The following FGF5 variants were observed in gnomAD, a reference collection of about 807,000 sequenced individuals.
The protein encoded by FGF5 is heparin-binding growth factor 5.
A neutral mutation model predicts 21.8 loss-of-function variants in FGF5; 23 were observed. The observed-to-expected ratio is 1.05, with a 90% CI of 0.76 to 1.49. FGF5 has a LOEUF of 1.49. FGF5 is among the 40% of genes most tolerant of loss of function. The pLI is 0.00. For missense variants in FGF5, 352 were observed against 332.9 expected (o/e 1.06, Z -0.45); for synonymous variants, 158 against 124.0 (o/e 1.27, Z -1.82).
At chr4:80,272,691 T>C (rs1007558330) in intron 1 of FGF5, among the ~76,000 whole-genome samples, 13 of 152,128 alleles carry the variant, frequency 8.5e-5, no homozygotes, top group African/African-American at 3.1e-4. Context: ...TTCCAGGGAA[T>C]GGAATTAAAA....
At chr4:80,284,714 G>A (rs7681907) in intron 2 of FGF5, among the ~76,000 whole-genome samples, 78,522 of 152,038 alleles carry the variant, frequency 0.52, 21,519 homozygotes, top group East Asian at 0.77. Context: ...GCACTGCTCA[G>A]AAACTCCATG....
At chr4:80,278,004 A>G (rs1351629426) in intron 2 of FGF5, among the ~76,000 whole-genome samples, 2 of 152,222 alleles carry the variant, frequency 1.3e-5, no homozygotes, top group East Asian at 3.9e-4. Flanking sequence ...CATAGATGTT[A>G]AATTATTTTC....
Position 80,286,799 on chromosome 4 carries a change from A to C in FGF5, c.*127A>C. On this transcript the variant is annotated 3_prime_UTR_variant, in exon 3 of 3. Coordinates refer to ENST00000312465, the MANE Select transcript of FGF5 (RefSeq NM_004464.4). ...ACTTACACTGTATTGAAGTCACGTC[A>C]TTTGTTTCAATGTGACTGAAACAAA... 1.4e-6 allele frequency: 1 copy of C among 693,950 alleles called. No individual in the cohort carries two copies. Among genetic ancestry groups the C allele is most frequent in the South Asian group, 2.0e-5 (1 of 50,230 alleles). The allele number at this position is 693,950 out of a possible 1,614,324, so 43.0% of individuals were successfully genotyped here. A position where few individuals can be genotyped will look rare whatever the true frequency, so the allele number is the denominator to read the frequency against.
intron 2 of FGF5, among the ~76,000 whole-genome samples, chr4:80,278,188 T>C (rs575212675): frequency 1.4e-4 from 22 of 152,328 alleles, no homozygotes; most frequent in African/African-American, 5.3e-4. Flanking sequence ...GAAATTAATA[T>C]GTGCGTGAAA....
chr4:80,270,517 G>T (rs1411565778), intron 1 of FGF5, among the ~76,000 whole-genome samples: 2 of 152,012 alleles, frequency 1.3e-5, no homozygotes, highest in Non-Finnish European at 2.9e-5. Context: ...CCCAAGTTTT[G>T]AACACAGAAA....
At position 80,287,036 on chromosome 4, in the gene FGF5, T is replaced by C. The variant is rs1035595279; in HGVS notation, c.*364T>C. 2.4e-5 allele frequency: 4 copies of C among 168,432 alleles called. No individual in the cohort carries two copies. Among genetic ancestry groups the C allele is most frequent in the African/African-American group, 9.5e-5 (4 of 42,172 alleles). The allele number at this position is 168,432 out of a possible 1,614,324, so 10.4% of individuals were successfully genotyped here. On this transcript the variant is annotated 3_prime_UTR_variant, in exon 3 of 3. Coordinates refer to ENST00000312465, the MANE Select transcript of FGF5 (RefSeq NM_004464.4). ...TACATGATACATTTTTATTTTTGGT[T>C]TCCAAAGAATATTTTGATGCAGATA...
intron 2 of FGF5, among the ~76,000 whole-genome samples, chr4:80,275,345 A>G (rs1269649651): frequency 2.6e-5 from 4 of 151,752 alleles, no homozygotes; most frequent in African/African-American, 9.7e-5. Flanking sequence ...CACATTTTAA[A>G]CTTACAAGTT....
rs3839148 is a variant in FGF5, at chr4:80,267,733, GTAGA to G, written c.355+577_355+580del. Among the ~76,000 whole-genome samples, 704 of 151,062 alleles carry G rather than the reference GTAGA, an allele frequency of 4.7e-3. 1 individual carries two copies. The highest frequency in any genetic ancestry group is 6.8e-3 in the Middle Eastern group (2 of 292). On this transcript the variant is annotated intron_variant, in intron 1 of 2. Coordinates refer to ENST00000312465, the MANE Select transcript of FGF5 (RefSeq NM_004464.4). ...CTATGTATACAATGTATACACATAG[GTAGA>G]TAGATAGATAGATAGATAGATACAC...
intron 2 of FGF5, among the ~76,000 whole-genome samples, chr4:80,283,278 ACACT>A (rs1285681800): frequency 1.4e-5 from 2 of 139,630 alleles, no homozygotes; most frequent in African/African-American, 2.7e-5. Context: ...AGAACTCTAC[ACACT>A]TCTACCCTGG....
intron 1 of FGF5, among the ~76,000 whole-genome samples, chr4:80,273,781 G>A (rs1453096412): frequency 2.6e-5 from 4 of 151,960 alleles, no homozygotes; most frequent in Non-Finnish European, 4.4e-5. Context: ...CTGGTATCAG[G>A]CGATCCTTCA....
chr4:80,275,630 T>C (rs1171320464), intron 2 of FGF5, among the ~76,000 whole-genome samples: 2 of 152,048 alleles, frequency 1.3e-5, no homozygotes, highest in Non-Finnish European at 2.9e-5. Context: ...TCAGACCAGT[T>C]TTATATATTG....
In FGF5 at chr4:80,289,418, G is replaced by T. The variant is rs1720835837; in HGVS notation, c.*2746G>T. The T allele has an allele frequency of 6.6e-6, 1 of 152,036 alleles. No homozygotes were observed. Among genetic ancestry groups the T allele is most frequent in the Admixed American group, 6.6e-5 (1 of 15,264 alleles). 9.4% of individuals were successfully genotyped at this position (152,036 alleles called of 1,614,324 possible). A position where few individuals can be genotyped will look rare whatever the true frequency, so the allele number is the denominator to read the frequency against. On this transcript the variant is annotated 3_prime_UTR_variant, in exon 3 of 3. Transcript: ENST00000312465. ...CTTACAACTTTCTAAGAGGGTTCTTGCTTATGTAGCTTTTTATTATTTTAA... is the reference window on the plus strand; with the variant it reads ...CTTACAACTTTCTAAGAGGGTTCTTTCTTATGTAGCTTTTTATTATTTTAA...
In FGF5 at chr4:80,266,984, A is replaced by C. The variant is rs33950145; in HGVS notation, c.160A>C (p.Met54Leu). ...CAGCAGACAGAGCAGCAGTAGCGCT[A>C]TGTCTTCCTCTTCTGCCTCCTCCTC... is the stretch of plus-strand genomic sequence containing the variant. ...SSSRQSSSSA[M>L]SSSSASSSPA... The change falls in exon 1 of 3, where the codon ATG becomes CTG. Residue 54 changes from methionine to leucine, a missense_variant. Coordinates refer to ENST00000312465, the MANE Select transcript of FGF5 (RefSeq NM_004464.4). 8.7e-6 allele frequency: 14 copies of C among 1,613,946 alleles called. No individual in the cohort carries two copies. The highest frequency in any genetic ancestry group is 3.3e-5 in the Admixed American group (2 of 60,002).
rs1197361683 is a variant in FGF5 at position 80,268,606 on chromosome 4, A to T, written c.355+1427A>T. The T allele has an allele frequency of 7.7e-6, 6 of 775,552 alleles. No homozygotes were observed. The South Asian group carries it at 1.7e-4, about 23-fold the overall frequency. 48.0% of individuals were successfully genotyped at this position (775,552 alleles called of 1,614,324 possible). A position where few individuals can be genotyped will look rare whatever the true frequency, so the allele number is the denominator to read the frequency against. ...GCTGGCTAGCCTCCTCCGGTGGGTT[A>T]AGGGGGCCTAATGCGGAAGACCTGA... On this transcript the variant is annotated intron_variant, in intron 1 of 2. Transcript: ENST00000312465.
rs554863214 is a variant in FGF5, at chr4:80,290,412, C to A, written c.*3740C>A. The A allele has an allele frequency of 2.0e-5, 3 of 152,232 alleles. No individual in the cohort carries two copies. The East Asian group carries it at 5.8e-4, about 29-fold the overall frequency. The allele number at this position is 152,232 out of a possible 1,614,324, so 9.4% of individuals were successfully genotyped here. ...TTATATGATTAGGTATTAGCAGAGA[C>A]AAAGAGTTACCTCCTCCATCTTACT... On this transcript the variant is annotated 3_prime_UTR_variant, in exon 3 of 3. Transcript: ENST00000312465.
At chr4:80,283,856 G>C (rs1720636718) in intron 2 of FGF5, among the ~76,000 whole-genome samples, 1 of 151,568 alleles carries the variant, frequency 6.6e-6, no homozygotes, top group South Asian at 2.1e-4. Flanking sequence ...AAATTCTTGT[G>C]ATCTGTTTAT....
intron 1 of FGF5, chr4:80,268,532 A>T (rs1720167489): frequency 1.0e-6 from 1 of 986,046 alleles, no homozygotes. Context: ...TTTGGCAGCC[A>T]GCAGTCTCCA....
At chr4:80,274,018 T>A (rs1199768379) in intron 1 of FGF5, among the ~76,000 whole-genome samples, 1 of 152,180 alleles carries the variant, frequency 6.6e-6, no homozygotes, top group Non-Finnish European at 1.5e-5. Flanking sequence ...GCTCTTTTCA[T>A]GTTCATATAA....
At chr4:80,286,286 C>A in intron 2 of FGF5, 39 bp from the exon 3 acceptor site, 1 of 1,379,822 alleles carries the variant, frequency 7.2e-7, no homozygotes, top group Non-Finnish European at 9.9e-7. Context: ...CTGAAAAGAT[C>A]GCCACAACTT....
Sources: allele counts gnomAD v4.1 joint callset (sites outside exome capture counted in the v4.1 genomes callset), GRCh38; gene constraint gnomAD v4.1.1; transcripts MANE v1.5; gene names NCBI Gene and HGNC (gene_info 2026-07-23, HGNC 2026-07-21).